Variants in ARHGEF17 observed in about 807,000 individuals in gnomAD.
ARHGEF17 encodes the protein Rho guanine nucleotide exchange factor 17.
A neutral mutation model predicts 174.0 loss-of-function variants in ARHGEF17; 80 were observed. The ratio of observed to expected loss-of-function variants is 0.46; its 90% CI spans 0.38 to 0.55. The LOEUF (loss-of-function observed/expected upper bound fraction) is 0.55. ARHGEF17 is among the 20% of genes least tolerant of loss of function. The pLI is 0.00. For missense variants in ARHGEF17, 2,886 were observed against 2,839.7 expected (o/e 1.02, Z -0.37); for synonymous variants, 1,311 against 1,189.1 (o/e 1.10, Z -2.11).
At chr11:73,319,967 G>A (rs1311117354) in intron 1 of ARHGEF17, among the ~76,000 whole-genome samples, 1 of 151,920 alleles carries the variant, frequency 6.6e-6, no homozygotes, top group Non-Finnish European at 1.5e-5. Context: ...TGATAGGAGA[G>A]TTTAAATCCA....
At chr11:73,366,003 C>T (rs1011835241) in intron 20 of ARHGEF17, 56 bp downstream of exon 20, 1 of 1,556,178 alleles carries the variant, frequency 6.4e-7, no homozygotes, top group African/African-American at 1.3e-5. Flanking sequence ...GTTTAGGACT[C>T]CCCACTATCC....
chr11:73,334,614 C>T (rs1355776690), intron 1 of ARHGEF17, among the ~76,000 whole-genome samples: 1 of 152,184 alleles, frequency 6.6e-6, no homozygotes, highest in Non-Finnish European at 1.5e-5. Flanking sequence ...GGCTCTGGCC[C>T]CCTCCTTCCT....
At chr11:73,364,839 A>C in intron 18 of ARHGEF17, 1 of 505,564 alleles carries the variant, frequency 2.0e-6, no homozygotes, top group Non-Finnish European at 3.3e-6. Context: ...CCTCCTGCCC[A>C]CCCTATCTCT....
intron 20 of ARHGEF17, among the ~76,000 whole-genome samples, chr11:73,366,811 G>A (rs1376075832): frequency 2.0e-5 from 3 of 152,098 alleles, no homozygotes; most frequent in Non-Finnish European, 4.4e-5. Flanking sequence ...AGGTTGAAGG[G>A]GGTGGATCAC....
rs1182221720 is a variant in ARHGEF17, at chr11:73,362,252, C to A, written c.4694+13C>A. The stretch of plus-strand genomic sequence containing the variant: ...CTCGCTGCCACCGGTGAGGCCTGGG[C>A]GGCGGGGTGGGCGGCACCGCGGGCC... On this transcript the variant is annotated intron_variant, in intron 13 of 20. Coordinates refer to ENST00000263674, the MANE Select transcript of ARHGEF17 (RefSeq NM_014786.4). 4 of 1,508,770 alleles carry A rather than the reference C, an allele frequency of 2.7e-6. No individual in the cohort carries two copies. The highest frequency in any genetic ancestry group is 4.3e-5 in the Admixed American group (2 of 46,618). The allele number at this position is 1,508,770 out of a possible 1,614,324, so 93.5% of individuals were successfully genotyped here. A position where few individuals can be genotyped will look rare whatever the true frequency, so the allele number is the denominator to read the frequency against.
chr11:73,356,792 C>G lies in ARHGEF17; in HGVS notation c.3891+33C>G, dbSNP rs748722386. 1.7e-5 allele frequency: 27 copies of G among 1,613,782 alleles called. No individual in the cohort carries two copies. The South Asian group carries it at 2.9e-4, about 17-fold the overall frequency. ...GTGTCCCAGTATCTGTCCGGCTGTCCCCACCTCCTCACTTTGTCCTCTCTT... is the reference window on the plus strand; with the variant it reads ...GTGTCCCAGTATCTGTCCGGCTGTCGCCACCTCCTCACTTTGTCCTCTCTT... On this transcript the variant is annotated intron_variant, in intron 7 of 20. Transcript: ENST00000263674.
chr11:73,346,556 A>AT (rs1451064772), intron 1 of ARHGEF17, among the ~76,000 whole-genome samples: 1 of 152,206 alleles, frequency 6.6e-6, no homozygotes, highest in African/African-American at 2.4e-5. Flanking sequence ...AAGGTTATTG[A>AT]TTTTTTTAAA....
In ARHGEF17 at chr11:73,362,482, G is replaced by C; in HGVS notation, c.4744G>C (p.Ala1582Pro). ...RSPPETAPEP[A>P]GPELDVEAAA... ...TCCTCCAGAGACGGCACCGGAGCCCGCCGGGCCGGAGCTGGACGTCGAGGC... is the reference window on the plus strand; with the variant it reads ...TCCTCCAGAGACGGCACCGGAGCCCCCCGGGCCGGAGCTGGACGTCGAGGC... The change falls in exon 14 of 21, where the codon GCC becomes CCC. Residue 1582 changes from alanine (A) to proline (P), a missense_variant. Ala to Pro is a conservative substitution (Grantham distance 27, BLOSUM62 -1). Around this residue, in one of 4 missense-constraint regions of ARHGEF17, gnomAD observed 476 missense variants for 473.1 expected, o/e 1.01. Coordinates refer to ENST00000263674, the MANE Select transcript of ARHGEF17 (RefSeq NM_014786.4). 6.3e-7 allele frequency: 1 copy of C among 1,595,496 alleles called. No individual in the cohort carries two copies. Among genetic ancestry groups the C allele is most frequent in the Non-Finnish European group, 8.5e-7 (1 of 1,174,202 alleles).
chr11:73,334,935 T>C (rs935427041), intron 1 of ARHGEF17, among the ~76,000 whole-genome samples: 2 of 152,174 alleles, frequency 1.3e-5, no homozygotes, highest in Admixed American at 1.3e-4. Context: ...GGCTGAACGG[T>C]GGTGGTCCTG....
rs779703845 is a variant in ARHGEF17 at position 73,311,168 on chromosome 11, G to A, written c.2530G>A (p.Gly844Ser). The A allele has an allele frequency of 5.6e-6, 9 of 1,593,074 alleles. No homozygotes were observed. The Admixed American group carries it at 1.2e-4, about 21-fold the overall frequency. Residue 844 changes from glycine to serine, a missense_variant, in exon 1 of 21, where the codon GGC (glycine) becomes AGC (serine). This residue lies in a region of ARHGEF17 where 1,728 missense variants were observed against 1,461.2 expected (regional missense o/e 1.18). Coordinates refer to ENST00000263674, the MANE Select transcript of ARHGEF17 (RefSeq NM_014786.4). ...RGELAGPGFE[G>S]PGGEPIREVE... ...GGAGCTGGCTGGGCCTGGATTCGAG[G>A]GCCCTGGAGGGGAGCCCATCCGAGA...
In ARHGEF17 at chr11:73,311,520, G is replaced by T; in HGVS notation, c.2882G>T (p.Ser961Ile). 1 of 1,613,212 alleles carries T rather than the reference G, an allele frequency of 6.2e-7. No individual in the cohort carries two copies. The highest frequency in any genetic ancestry group is 8.5e-7 in the Non-Finnish European group (1 of 1,180,046). ...TCCTCCAGACACGTTCGCCATGCCA[G>T]TGTGCCCGCCACATTTATGCCTATT... ...RPSSRHVRHA[S>I]VPATFMPIVV... is the part of the protein sequence containing the mutation. Residue 961 changes from serine (S) to isoleucine (I), a missense_variant, in exon 1 of 21, where the codon AGT becomes ATT. Physicochemically the swap from Ser to Ile is moderately radical, Grantham distance 142 (BLOSUM62 -2). This residue lies in a region of ARHGEF17 where 1,728 missense variants were observed against 1,461.2 expected (regional missense o/e 1.18). Coordinates refer to ENST00000263674, the MANE Select transcript of ARHGEF17 (RefSeq NM_014786.4).
Position 73,309,524 on chromosome 11 carries a change from A to C in ARHGEF17, c.886A>C (p.Arg296=). The change falls in exon 1 of 21, where the codon AGG becomes CGG. Residue 296 remains arginine, a synonymous_variant. Transcript: ENST00000263674. ...GHRWGGRPGL[R]PGSSLLDQDC... Reference sequence around the variant, plus strand: ...CCGCTGGGGAGGGAGGCCCGGGCTCAGGCCTGGAAGCTCCCTATTGGATCA... The same window carrying C: ...CCGCTGGGGAGGGAGGCCCGGGCTCCGGCCTGGAAGCTCCCTATTGGATCA... The C allele has an allele frequency of 6.4e-7, 1 of 1,570,738 alleles. No individual in the cohort carries two copies. The highest frequency in any genetic ancestry group is 1.8e-5 in the Admixed American group (1 of 55,020).
At chr11:73,348,225 C>G (rs1658365644) in intron 2 of ARHGEF17, among the ~76,000 whole-genome samples, 2 of 152,192 alleles carry the variant, frequency 1.3e-5, no homozygotes, top group African/African-American at 4.8e-5. Context: ...ACCATTCATT[C>G]ATTCATTCAC....
chr11:73,367,808 C>T lies in ARHGEF17; in HGVS notation c.*28C>T, dbSNP rs1248198547. ...CTGTCTGCCGTGGCCCAGGACTCGC[C>T]CGCCCACCTGCCTTCAGCCTGCTTG... On this transcript the variant is annotated 3_prime_UTR_variant, in exon 21 of 21. Transcript: ENST00000263674. 2 of 1,584,230 alleles carry T rather than the reference C, an allele frequency of 1.3e-6. No individual in the cohort carries two copies. Among genetic ancestry groups the T allele is most frequent in the Admixed American group, 1.7e-5 (1 of 58,988 alleles).
chr11:73,364,087 C>T, intron 16 of ARHGEF17, 85 bp from the exon 17 acceptor site: 1 of 1,394,580 alleles, frequency 7.2e-7, no homozygotes, highest in Non-Finnish European at 1.0e-6. Flanking sequence ...GGAGCCATAC[C>T]CATTCTATCT....
intron 1 of ARHGEF17, among the ~76,000 whole-genome samples, chr11:73,345,053 G>A (rs894316341): frequency 4.6e-5 from 7 of 152,196 alleles, no homozygotes; most frequent in Non-Finnish European, 7.4e-5. Context: ...TGTCCCTGGC[G>A]TGGGGTAGGG....
chr11:73,326,678 C>T (rs545250704), intron 1 of ARHGEF17, among the ~76,000 whole-genome samples: 110 of 152,274 alleles, frequency 7.2e-4, no homozygotes, highest in African/African-American at 2.5e-3. Context: ...CGAGATTGCA[C>T]ATTGCACTCC....
chr11:73,339,500 T>C (rs1865336808), intron 1 of ARHGEF17, among the ~76,000 whole-genome samples: 1 of 152,228 alleles, frequency 6.6e-6, no homozygotes, highest in Non-Finnish European at 1.5e-5. Flanking sequence ...GTGTCTAGCC[T>C]TTCTCATCAT....
intron 18 of ARHGEF17, chr11:73,364,844 A>C (rs1591764993): frequency 4.1e-6 from 2 of 485,526 alleles, no homozygotes; most frequent in East Asian, 3.6e-5. Flanking sequence ...TGCCCACCCT[A>C]TCTCTCAACT....
Sources: allele counts gnomAD v4.1 joint callset (sites outside exome capture counted in the v4.1 genomes callset), GRCh38; gene constraint gnomAD v4.1.1; regional missense constraint gnomAD v4.1.1; transcripts MANE v1.5; gene names NCBI Gene and HGNC (gene_info 2026-07-23, HGNC 2026-07-21).